Variants in TRIM49 observed in about 807,000 individuals in gnomAD.
TRIM49 encodes the protein tripartite motif containing 49.
In TRIM49, 5 loss-of-function variants were observed where a neutral mutation model predicts 27.4. The observed-to-expected ratio is 0.18, with a 90% CI of 0.10 to 0.38. The LOEUF is 0.38. TRIM49 is among the 10% of genes least tolerant of loss of function. The probability of loss-of-function intolerance (pLI) is 1.00; values close to 1 mark genes in which losing one functional copy is unlikely to be tolerated. For missense variants in TRIM49, 188 were observed against 487.5 expected (o/e 0.39, Z 5.79); for synonymous variants, 69 against 166.0 (o/e 0.42, Z 4.49).
At chr11:89,790,846 C>T in the TRIM49 span, among the ~76,000 whole-genome samples, 1 of 152,126 alleles carries the variant, frequency 6.6e-6, no homozygotes, top group African/African-American at 2.4e-5. Flanking sequence ...GAGCACCTCT[C>T]CCCCTCCAAA....
the TRIM49 span, among the ~76,000 whole-genome samples, chr11:89,786,606 T>G: frequency 7.4e-6 from 1 of 135,354 alleles, no homozygotes; most frequent in Middle Eastern, 3.6e-3. Context: ...GGTTTCCTGG[T>G]GAGGCTGATG....
chr11:89,776,660 G>C, the TRIM49 span, among the ~76,000 whole-genome samples: 21 of 148,672 alleles, frequency 1.4e-4, 1 homozygote, highest in South Asian at 6.3e-4. Context: ...GTAATCTAGA[G>C]ATAAAGTATT....
the TRIM49 span, among the ~76,000 whole-genome samples, chr11:89,784,668 G>A: frequency 7.0e-6 from 1 of 142,630 alleles, no homozygotes; most frequent in Admixed American, 6.8e-5. Context: ...TTCTGTTGAT[G>A]CTAGAACTCT....
intron 2 of TRIM49, 99 bp downstream of exon 2, chr11:89,807,000 A>G (rs1949793387): frequency 1.3e-5 from 2 of 149,922 alleles, no homozygotes; most frequent in African/African-American, 4.8e-5. Flanking sequence ...TACAAATGGT[A>G]TCATTGTGTA....
At chr11:89,786,174 G>A in the TRIM49 span, 1 of 107,908 alleles carries the variant, frequency 9.3e-6, no homozygotes, top group African/African-American at 4.6e-5. Context: ...AGAGCGTACC[G>A]GAGGAGGGCG....
chr11:89,793,555 C>T (rs1292961228), downstream of TRIM49, among the ~76,000 whole-genome samples: 1 of 152,126 alleles, frequency 6.6e-6, no homozygotes, highest in Non-Finnish European at 1.5e-5. Flanking sequence ...GGGCTTCATC[C>T]CTGGGATCCA....
chr11:89,793,270 C>A (rs1949667337), downstream of TRIM49, among the ~76,000 whole-genome samples: 2 of 152,066 alleles, frequency 1.3e-5, no homozygotes, highest in South Asian at 2.1e-4. Context: ...AAGTCCGGGT[C>A]CGGATGGATT....
chr11:89,800,312 TA>T (rs1949724371), intron 6 of TRIM49, among the ~76,000 whole-genome samples: 2 of 151,654 alleles, frequency 1.3e-5, no homozygotes, highest in Admixed American at 1.3e-4. Flanking sequence ...GATATGTATA[TA>T]TGTATAAAAA....
rs142345276 is a variant in TRIM49 at position 89,798,440 on chromosome 11, G to T, written c.1049C>A (p.Ser350Tyr). 2.5e-6 allele frequency: 4 copies of T among 1,601,558 alleles called. No individual in the cohort carries two copies. The African/African-American group carries it at 4.3e-5, about 17-fold the overall frequency. The change falls in exon 8 of 8, where the codon TCC becomes TAC. Residue 350 changes from serine (S) to tyrosine (Y), a missense_variant. Coordinates refer to ENST00000329758, the MANE Select transcript of TRIM49 (RefSeq NM_020358.2). ...KYYWEVHVGD[S>Y]WNWAFGVCNM... is the part of the protein sequence containing the mutation. ...ACAGACACCAAAAGCCCAATTCCAG[G>T]AGTCCCCTACATGGACCTCCCAGTA...
At chr11:89,768,316 T>C in the TRIM49 span, 1 of 1,406,690 alleles carries the variant, frequency 7.1e-7, no homozygotes, top group Non-Finnish European at 9.7e-7. Flanking sequence ...GTTGGTTAAG[T>C]TTCTGATGTT....
chr11:89,774,217 G>A, the TRIM49 span, among the ~76,000 whole-genome samples: 1 of 150,784 alleles, frequency 6.6e-6, no homozygotes, highest in Admixed American at 6.6e-5. Flanking sequence ...GGCCAGGCTG[G>A]TCTTGAACTC....
At chr11:89,796,079 A>G (rs1270329402), downstream of TRIM49, among the ~76,000 whole-genome samples, 1 of 151,788 alleles carries the variant, frequency 6.6e-6, no homozygotes, top group African/African-American at 2.4e-5. Context: ...ACTTACTCTA[A>G]TAAAAATACT....
chr11:89,800,757 A>T (rs1365345180), intron 6 of TRIM49, among the ~76,000 whole-genome samples: 1 of 150,730 alleles, frequency 6.6e-6, no homozygotes, highest in African/African-American at 2.5e-5. Flanking sequence ...AAAAAACAAA[A>T]GCAGGAATCA....
intron 2 of TRIM49, among the ~76,000 whole-genome samples, chr11:89,805,759 G>A (rs1175828517): frequency 9.5e-5 from 14 of 147,190 alleles, no homozygotes; most frequent in African/African-American, 3.1e-4. Context: ...CTTCTGTCAC[G>A]CAGGCTGAAA....
At chr11:89,777,566 C>G in the TRIM49 span, among the ~76,000 whole-genome samples, 4 of 144,914 alleles carry the variant, frequency 2.8e-5, no homozygotes, top group Non-Finnish European at 3.0e-5. Context: ...CTAATCATAG[C>G]TGTGTTGAGA....
At chr11:89,784,965 G>A in the TRIM49 span, among the ~76,000 whole-genome samples, 1 of 149,550 alleles carries the variant, frequency 6.7e-6, no homozygotes, top group Non-Finnish European at 1.5e-5. Flanking sequence ...ATTTATGTTA[G>A]AATATCACCA....
intron 6 of TRIM49, 65 bp from the exon 7 acceptor site, chr11:89,799,878 A>G: frequency 6.5e-7 from 1 of 1,541,684 alleles, no homozygotes; most frequent in African/African-American, 1.4e-5. Context: ...CACTATTTGT[A>G]TATAAAAGAC....
intron 2 of TRIM49, among the ~76,000 whole-genome samples, chr11:89,806,892 TTAAG>T (rs1327052633): frequency 3.2e-4 from 48 of 149,664 alleles, no homozygotes; most frequent in African/African-American, 1.1e-3. Flanking sequence ...ACTAGATATT[TTAAG>T]TTTTTCAGAA....
the TRIM49 span, chr11:89,777,297 C>A: frequency 6.5e-7 from 1 of 1,546,192 alleles, no homozygotes; most frequent in Non-Finnish European, 8.7e-7. Context: ...GTGAGGCTGA[C>A]AAGAGATTGC....
Sources: gnomAD v4.1 joint callset for allele counts (sites outside exome capture counted in the v4.1 genomes callset) on GRCh38, gnomAD v4.1.1 for gene constraint, MANE v1.5 for transcripts, NCBI Gene and HGNC (gene_info 2026-07-23, HGNC 2026-07-21) for gene names.